FARS2: variants seen among roughly 807,000 people sequenced by gnomAD.
The protein encoded by FARS2 is phenylalanyl-tRNA synthetase 2, mitochondrial, also known as phenylalanine--tRNA ligase, mitochondrial.
Under a neutral mutation model 46.4 loss-of-function variants are expected in FARS2, and 40 were observed. That is an observed-to-expected ratio of 0.86 (90% CI 0.67 to 1.12). The LOEUF (loss-of-function observed/expected upper bound fraction) is 1.12. Among genes scored for constraint, FARS2 ranks in the 50% most tolerant of loss-of-function variants. The probability of loss-of-function intolerance (pLI) is 0.00; values close to 1 mark genes in which losing one functional copy is unlikely to be tolerated. For missense variants in FARS2, 513 were observed against 567.9 expected (o/e 0.90, Z 0.98); for synonymous variants, 234 against 214.9 (o/e 1.09, Z -0.78).
the FARS2 span, among the ~76,000 whole-genome samples, chr6:5,250,320 T>C: frequency 6.6e-6 from 1 of 152,308 alleles, no homozygotes; most frequent in South Asian, 2.1e-4. Context: ...AAATCAGCAA[T>C]GACACGCAGA....
intron 1 of FARS2, among the ~76,000 whole-genome samples, chr6:5,310,764 G>C (rs575056380): frequency 6.6e-6 from 1 of 152,160 alleles, no homozygotes; most frequent in Non-Finnish European, 1.5e-5. Context: ...CTACCAAAAC[G>C]TAAGGTCCAT....
chr6:5,342,987 A>AG (rs2127594694), intron 1 of FARS2, among the ~76,000 whole-genome samples: 2 of 152,284 alleles, frequency 1.3e-5, no homozygotes, highest in African/African-American at 4.8e-5. Flanking sequence ...AGCTTACTAC[A>AG]GGCCCGTCAT....
chr6:5,547,271 G>C (rs1771088909), intron 5 of FARS2, among the ~76,000 whole-genome samples: 1 of 152,006 alleles, frequency 6.6e-6, no homozygotes, highest in Admixed American at 6.5e-5. Flanking sequence ...TTATTTTAAA[G>C]TACTTGTCTG....
At chr6:5,359,972 T>A (rs1389593232) in intron 1 of FARS2, among the ~76,000 whole-genome samples, 1 of 152,206 alleles carries the variant, frequency 6.6e-6, no homozygotes, top group East Asian at 1.9e-4. Flanking sequence ...TCTTCAAGGC[T>A]GTTAAAGTGC....
At chr6:5,454,824 C>T (rs954337151) in intron 4 of FARS2, among the ~76,000 whole-genome samples, 1 of 152,186 alleles carries the variant, frequency 6.6e-6, no homozygotes, top group African/African-American at 2.4e-5. Context: ...CCGCCTTCAC[C>T]GTCATTCCAG....
At chr6:5,671,955 G>A (rs1027855969) in intron 6 of FARS2, among the ~76,000 whole-genome samples, 23 of 152,290 alleles carry the variant, frequency 1.5e-4, no homozygotes, top group African/African-American at 5.1e-4. Context: ...CGTGAGGAAC[G>A]TGCATTTGCG....
rs79966941 is a variant in FARS2 at position 5,555,752 on chromosome 6, T to G, written c.1065+10412T>G. Among the ~76,000 whole-genome samples, 582 of 152,238 alleles carry G rather than the reference T, an allele frequency of 3.8e-3. 24 individuals are homozygous for G. In the East Asian group the frequency reaches 0.096, roughly 25 times the overall value. On this transcript the variant is annotated intron_variant, in intron 5 of 6. Coordinates refer to ENST00000274680, the MANE Select transcript of FARS2 (RefSeq NM_006567.5). Reference sequence around the variant, plus strand: ...CTTCCCCCGAAAGTATATTAAGTATTTTCTTTTGCTGGAGAAGAGATGTTT... The same window carrying G: ...CTTCCCCCGAAAGTATATTAAGTATGTTCTTTTGCTGGAGAAGAGATGTTT...
chr6:5,744,118 G>A (rs1379608944), intron 6 of FARS2, among the ~76,000 whole-genome samples: 1 of 152,212 alleles, frequency 6.6e-6, no homozygotes, highest in African/African-American at 2.4e-5. Context: ...AGGTGTGCGA[G>A]ATCTGAGGAC....
intron 5 of FARS2, among the ~76,000 whole-genome samples, chr6:5,611,190 A>C (rs1171111316): frequency 2.6e-5 from 4 of 152,240 alleles, no homozygotes; most frequent in Non-Finnish European, 5.9e-5. Context: ...GATAGGGTGC[A>C]GTAATGGGAT....
At chr6:5,476,840 G>T (rs1314950377) in intron 4 of FARS2, among the ~76,000 whole-genome samples, 5 of 152,182 alleles carry the variant, frequency 3.3e-5, no homozygotes, top group Admixed American at 1.3e-4. Context: ...GGCTGCACCA[G>T]GGGGTTATTG....
intron 4 of FARS2, among the ~76,000 whole-genome samples, chr6:5,488,295 G>T (rs1251976852): frequency 6.6e-6 from 1 of 152,158 alleles, no homozygotes; most frequent in Non-Finnish European, 1.5e-5. Flanking sequence ...TAGTCAGATT[G>T]TAATTCTGTT....
chr6:5,716,365 G>A (rs916656417), intron 6 of FARS2, among the ~76,000 whole-genome samples: 3 of 151,852 alleles, frequency 2.0e-5, no homozygotes, highest in African/African-American at 7.3e-5. Flanking sequence ...TGGGGGTCTT[G>A]TTTTTTTTCC....
chr6:5,268,662 G>A (rs1765720986), intron 1 of FARS2, among the ~76,000 whole-genome samples: 1 of 152,112 alleles, frequency 6.6e-6, no homozygotes, highest in Non-Finnish European at 1.5e-5. Flanking sequence ...TGTTCTTTTT[G>A]CTTAGGATTG....
chr6:5,450,418 T>C (rs913473477), intron 4 of FARS2, among the ~76,000 whole-genome samples: 1 of 151,546 alleles, frequency 6.6e-6, no homozygotes, highest in African/African-American at 2.4e-5. Context: ...AGGGGCCAAG[T>C]GGTAGGCATT....
intron 4 of FARS2, among the ~76,000 whole-genome samples, chr6:5,539,463 A>T (rs558433669): frequency 6.7e-6 from 1 of 149,042 alleles, no homozygotes; most frequent in African/African-American, 2.5e-5. Flanking sequence ...CAATCTCCTG[A>T]CCTCGTGATC....
At chr6:5,578,354 A>G (rs1439077926) in intron 5 of FARS2, among the ~76,000 whole-genome samples, 1 of 152,068 alleles carries the variant, frequency 6.6e-6, no homozygotes, top group Non-Finnish European at 1.5e-5. Context: ...CGCTGAGGTT[A>G]TGCTCAACCA....
intron 6 of FARS2, among the ~76,000 whole-genome samples, chr6:5,738,686 G>C (rs1211031447): frequency 1.3e-5 from 2 of 151,926 alleles, no homozygotes. Flanking sequence ...TATGGTAACA[G>C]CAAGAAGAGT....
At chr6:5,366,205 T>C (rs181994147) in intron 1 of FARS2, among the ~76,000 whole-genome samples, 7 of 152,356 alleles carry the variant, frequency 4.6e-5, no homozygotes, top group African/African-American at 1.4e-4. Flanking sequence ...CGTGATCTTT[T>C]TGAGCTTTAT....
At chr6:5,677,026 C>G (rs79382407) in intron 6 of FARS2, among the ~76,000 whole-genome samples, 112 of 152,288 alleles carry the variant, frequency 7.4e-4, no homozygotes, top group African/African-American at 2.5e-3. Flanking sequence ...CAATTCAGAG[C>G]CATATGTGTA....
Sources: allele counts gnomAD v4.1 joint callset (sites outside exome capture counted in the v4.1 genomes callset), GRCh38; gene constraint gnomAD v4.1.1; transcripts MANE v1.5; gene names NCBI Gene and HGNC (gene_info 2026-07-23, HGNC 2026-07-21).